Variants in FOCAD observed in about 807,000 individuals in gnomAD.
FOCAD encodes focadhesin.
Under a neutral mutation model 225.6 loss-of-function variants are expected in FOCAD, and 198 were observed. That is an observed-to-expected ratio of 0.88 (90% CI 0.78 to 0.99). The LOEUF is 0.99. Among genes scored for constraint, FOCAD ranks in the 50% least tolerant of loss-of-function variants. The probability of loss-of-function intolerance (pLI) is 0.00; values close to 1 mark genes in which losing one functional copy is unlikely to be tolerated. For synonymous variants in FOCAD, 897 were observed against 755.0 expected, an observed-to-expected ratio of 1.19 and a Z score of -3.08; for missense variants, 2,713 against 2,123.6, an observed-to-expected ratio of 1.28 and a Z score of -5.46.
chr9:20,779,496 C>T (rs1485825314), intron 9 of FOCAD, among the ~76,000 whole-genome samples: 3 of 152,142 alleles, frequency 2.0e-5, no homozygotes, highest in Non-Finnish European at 4.4e-5. Context: ...CTTGTAATCC[C>T]AACGCTTTGG....
At chr9:20,854,856 A>G (rs1052014059) in intron 15 of FOCAD, among the ~76,000 whole-genome samples, 3 of 151,738 alleles carry the variant, frequency 2.0e-5, no homozygotes, top group African/African-American at 7.2e-5. Context: ...CTACTATTCA[A>G]TGGTAGATTT....
intron 5 of FOCAD, among the ~76,000 whole-genome samples, chr9:20,743,636 A>G (rs1827806407): frequency 6.6e-6 from 1 of 152,162 alleles, no homozygotes; most frequent in Admixed American, 6.5e-5. Flanking sequence ...CTTGTCTTGC[A>G]TAAGAACCAC....
chr9:20,701,729 A>G (rs757257609), intron 1 of FOCAD, among the ~76,000 whole-genome samples: 1 of 152,250 alleles, frequency 6.6e-6, no homozygotes, highest in Non-Finnish European at 1.5e-5. Context: ...ATGAAAGTTA[A>G]GTTTAGATAA....
intron 35 of FOCAD, among the ~76,000 whole-genome samples, chr9:20,975,316 C>A (rs1323190459): frequency 1.3e-5 from 2 of 152,184 alleles, no homozygotes; most frequent in Non-Finnish European, 2.9e-5. Flanking sequence ...CCTATACACA[C>A]TTCCTTTAAA....
At chr9:20,823,282 A>G (rs533155495) in intron 15 of FOCAD, among the ~76,000 whole-genome samples, 167 bp downstream of exon 15, 24 of 152,210 alleles carry the variant, frequency 1.6e-4, no homozygotes, top group African/African-American at 5.8e-4. Context: ...AATTCTTTCT[A>G]GAAGGGAATC....
At chr9:20,746,802 G>T (rs572794680) in intron 5 of FOCAD, among the ~76,000 whole-genome samples, 54 of 152,162 alleles carry the variant, frequency 3.5e-4, no homozygotes, top group African/African-American at 1.3e-3. Context: ...TAATGTATAG[G>T]ATCTAGTTTA....
intron 3 of FOCAD, 67 bp downstream of exon 3, chr9:20,717,935 A>C: frequency 1.6e-6 from 2 of 1,223,828 alleles, no homozygotes; most frequent in Non-Finnish European, 2.4e-6. Flanking sequence ...TCACATATGC[A>C]CCTGTCTTGT....
chr9:20,880,841 A>G (rs896019936), intron 19 of FOCAD, among the ~76,000 whole-genome samples: 4 of 152,090 alleles, frequency 2.6e-5, no homozygotes, highest in African/African-American at 9.7e-5. Flanking sequence ...ATTTTCCGCT[A>G]CATATGATTT....
intron 2 of FOCAD, among the ~76,000 whole-genome samples, chr9:20,669,825 C>T (rs4440707): frequency 0.82 from 124,616 of 152,054 alleles, 51,116 homozygotes; most frequent in South Asian, 0.87. Flanking sequence ...GTAAGCATTA[C>T]TGAAAATGTC....
chr9:20,736,358 G>T (rs1283099977), intron 4 of FOCAD, among the ~76,000 whole-genome samples: 1 of 152,088 alleles, frequency 6.6e-6, no homozygotes, highest in Non-Finnish European at 1.5e-5. Flanking sequence ...CAGTGGTTAT[G>T]TTTTCTTCTA....
chr9:20,820,586 CAGTT>C (rs1332386544), intron 13 of FOCAD, among the ~76,000 whole-genome samples, 161 bp downstream of exon 13: 5 of 152,052 alleles, frequency 3.3e-5, no homozygotes, highest in Admixed American at 2.0e-4. Flanking sequence ...ATTTGTAATG[CAGTT>C]AGTTAACTTT....
intron 40 of FOCAD, 69 bp downstream of exon 40, chr9:20,986,534 T>G (rs1238038004): frequency 4.0e-5 from 56 of 1,383,140 alleles, no homozygotes; most frequent in Non-Finnish European, 5.1e-5. Flanking sequence ...TAAGTTGCAC[T>G]TGAGTTCTCA....
intron 2 of FOCAD, among the ~76,000 whole-genome samples, chr9:20,717,211 G>C (rs1248435651): frequency 2.0e-5 from 3 of 152,298 alleles, no homozygotes; most frequent in Non-Finnish European, 4.4e-5. Context: ...AGTGGGTGCT[G>C]TGTTTTTATT....
intron 18 of FOCAD, among the ~76,000 whole-genome samples, chr9:20,870,086 A>G (rs1184994963): frequency 6.6e-6 from 1 of 152,232 alleles, no homozygotes; most frequent in Non-Finnish European, 1.5e-5. Context: ...ATAAACATTT[A>G]GGTAGAAGAT....
chr9:20,906,389 G>GT (rs1243420521), intron 21 of FOCAD, among the ~76,000 whole-genome samples: 3 of 151,634 alleles, frequency 2.0e-5, no homozygotes, highest in African/African-American at 7.3e-5. Flanking sequence ...CTTTCGATGT[G>GT]TTACAGGAAT....
chr9:20,883,211 A>G (rs981072667), intron 20 of FOCAD, among the ~76,000 whole-genome samples: 2 of 152,226 alleles, frequency 1.3e-5, no homozygotes, highest in African/African-American at 2.4e-5. Flanking sequence ...TTTGGAAAAT[A>G]TCAATTCTAA....
chr9:20,971,962 A>T (rs1452804506), intron 35 of FOCAD, among the ~76,000 whole-genome samples: 1 of 152,104 alleles, frequency 6.6e-6, no homozygotes, highest in East Asian at 1.9e-4. Context: ...GTTCCATGTT[A>T]TGTATATACT....
intron 21 of FOCAD, among the ~76,000 whole-genome samples, chr9:20,886,668 T>G (rs1223057490): frequency 6.6e-6 from 1 of 152,116 alleles, no homozygotes; most frequent in East Asian, 1.9e-4. Context: ...ATAACATCAT[T>G]GTTTTAGGGG....
intron 1 of FOCAD, among the ~76,000 whole-genome samples, chr9:20,713,425 C>T (rs1388806853): frequency 4.6e-5 from 7 of 152,216 alleles, no homozygotes; most frequent in Non-Finnish European, 1.0e-4. Flanking sequence ...TGTTCACATG[C>T]CACCCTCTCT....
Sources: allele counts gnomAD v4.1 joint callset (sites outside exome capture counted in the v4.1 genomes callset), GRCh38; gene constraint gnomAD v4.1.1; transcripts MANE v1.5; gene names NCBI Gene and HGNC (gene_info 2026-07-23, HGNC 2026-07-21).